ABCA12: variants seen among roughly 807,000 people sequenced by gnomAD.
ABCA12 encodes glucosylceramide transporter ABCA12.
A neutral mutation model predicts 293.5 loss-of-function variants in ABCA12; 156 were observed. That is an observed-to-expected ratio of 0.53 (90% CI 0.47 to 0.61). The LOEUF is 0.61. Among genes scored for constraint, ABCA12 ranks in the 20% least tolerant of loss-of-function variants. The pLI is 0.00. For missense variants in ABCA12, 2,797 were observed against 3,090.2 expected (o/e 0.91, Z 2.25); for synonymous variants, 1,063 against 1,108.0 (o/e 0.96, Z 0.81).
At chr2:215,071,847 T>C (rs1701744081) in intron 2 of ABCA12, among the ~76,000 whole-genome samples, 1 of 152,184 alleles carries the variant, frequency 6.6e-6, no homozygotes, top group Non-Finnish European at 1.5e-5. Flanking sequence ...CTTGAGCCAG[T>C]GAATGGTTTG....
chr2:215,035,656 C>A (rs1487492517), intron 8 of ABCA12: 1 of 137,574 alleles, frequency 7.3e-6, no homozygotes, highest in Non-Finnish European at 1.5e-5. Flanking sequence ...TAGAGCGAGA[C>A]TCCATCTCAA....
chr2:215,067,231 A>G (rs747780902), intron 2 of ABCA12, among the ~76,000 whole-genome samples: 8 of 152,110 alleles, frequency 5.3e-5, no homozygotes, highest in Non-Finnish European at 8.8e-5. Flanking sequence ...CTGAAATTAC[A>G]TTCCCCTTTA....
chr2:214,956,695 T>G lies in ABCA12; in HGVS notation c.6201A>C (p.Leu2067=). The change falls in exon 42 of 53, where the codon CTA becomes CTC. Residue 2067 remains leucine (L), a synonymous_variant. Coordinates refer to ENST00000272895, the MANE Select transcript of ABCA12 (RefSeq NM_173076.3). ...KLPAFYSENN[L]GAVSLLLLLF... ...GGAGAAGTAGGAGAGATACAGCGCC[T>G]AGGTTGTTTTCACTGTAGAATGCAG... The G allele has an allele frequency of 6.2e-7, 1 of 1,613,574 alleles. No homozygotes were observed. The highest frequency in any genetic ancestry group is 2.2e-5 in the East Asian group (1 of 44,818).
At chr2:215,065,697 G>C (rs1701628139) in intron 2 of ABCA12, among the ~76,000 whole-genome samples, 2 of 152,008 alleles carry the variant, frequency 1.3e-5, no homozygotes, top group South Asian at 2.1e-4. Flanking sequence ...AGAGGGTCCA[G>C]AAGGAATGCA....
rs768276406 is a variant in ABCA12, at chr2:215,001,587, C to A, written c.2834G>T (p.Arg945Met). 2 of 1,613,578 alleles carry A rather than the reference C, an allele frequency of 1.2e-6. No homozygotes were observed. The highest frequency in any genetic ancestry group is 1.1e-5 in the South Asian group (1 of 91,068). ...TIDEMEREAK[R>M]LYKSNELFGS... ...AAAGAGTTCGTTGCTTTTGTAGAGC[C>A]TTTTAGCCTCTCTCTCCATTTCATC... is the stretch of plus-strand genomic sequence containing the variant. The change falls in exon 21 of 53, where the codon AGG becomes ATG. Residue 945 changes from arginine (R) to methionine (M), a missense_variant. Transcript: ENST00000272895.
intron 2 of ABCA12, among the ~76,000 whole-genome samples, chr2:215,099,512 G>A (rs1277171098): frequency 1.3e-5 from 2 of 152,088 alleles, no homozygotes; most frequent in Non-Finnish European, 2.9e-5. Context: ...GGCCAACATG[G>A]TGAAACCCCG....
chr2:214,947,303 A>G (rs1270595124), intron 48 of ABCA12, 119 bp downstream of exon 48: 7 of 1,415,350 alleles, frequency 4.9e-6, no homozygotes, highest in African/African-American at 2.8e-5. Context: ...CACAATAGCT[A>G]GCACATAGTG....
chr2:215,042,186 T>A (rs1383417676), intron 7 of ABCA12: 1 of 152,196 alleles, frequency 6.6e-6, no homozygotes, highest in East Asian at 1.9e-4. Context: ...TATAAAATAA[T>A]TTTTAAGTCA....
chr2:215,046,061 T>G (rs774855900), intron 6 of ABCA12, 46 bp from the exon 7 acceptor site: 72 of 1,584,022 alleles, frequency 4.5e-5, no homozygotes, highest in Non-Finnish European at 5.8e-5. Flanking sequence ...ACTTTAACAT[T>G]TGTAATCACA....
chr2:214,978,740 A>C, intron 32 of ABCA12, 64 bp downstream of exon 32: 1 of 1,539,486 alleles, frequency 6.5e-7, no homozygotes, highest in African/African-American at 1.4e-5. Context: ...AATGGCACAT[A>C]TTTCTTCAAA....
intron 2 of ABCA12, among the ~76,000 whole-genome samples, chr2:215,107,436 C>A (rs1288726107): frequency 6.6e-6 from 1 of 152,198 alleles, no homozygotes; most frequent in African/African-American, 2.4e-5. Flanking sequence ...CTCATTTCTT[C>A]CCTGTTTGAA....
chr2:215,093,977 T>A (rs951204397), intron 2 of ABCA12, among the ~76,000 whole-genome samples: 2 of 152,216 alleles, frequency 1.3e-5, no homozygotes, highest in Middle Eastern at 3.2e-3. Flanking sequence ...TAATAGCTAC[T>A]CACCAGCAAA....
At chr2:214,976,143 G>C (rs1292980115) in intron 33 of ABCA12, 106 bp from the exon 34 acceptor site, 1 of 1,468,396 alleles carries the variant, frequency 6.8e-7, no homozygotes, top group Non-Finnish European at 9.3e-7. Context: ...GGTGGGAAAA[G>C]CTTTTAAAGA....
At chr2:215,130,236 A>AT (rs57228653) in intron 1 of ABCA12, among the ~76,000 whole-genome samples, 15,119 of 147,558 alleles carry the variant, frequency 0.1, 2,464 homozygotes, top group African/African-American at 0.35. Context: ...AAACTTTAGG[A>AT]TTTTTTTTTT....
At chr2:215,124,954 C>A (rs1038909665) in intron 1 of ABCA12, among the ~76,000 whole-genome samples, 1 of 152,100 alleles carries the variant, frequency 6.6e-6, no homozygotes, top group African/African-American at 2.4e-5. Context: ...GGTTTAAGTC[C>A]TTAATCCACC....
intron 1 of ABCA12, among the ~76,000 whole-genome samples, chr2:215,116,680 A>G (rs1363378317): frequency 6.6e-6 from 1 of 152,230 alleles, no homozygotes; most frequent in African/African-American, 2.4e-5. Flanking sequence ...GGAATGGAGT[A>G]TGTACCTACA....
rs537624286 is a variant in ABCA12 at position 215,064,200 on chromosome 2, G to T, written c.183C>A (p.Asn61Lys). The T allele has an allele frequency of 2.5e-6, 4 of 1,612,620 alleles. No homozygotes were observed. Among genetic ancestry groups the T allele is most frequent in the South Asian group, 1.1e-5 (1 of 91,062 alleles). Reference sequence around the variant, plus strand: ...ATGGAAAGAATCCAGTACTAGGAAGGTTTCGAGGTGCGAGGTAACCTAAAA... The same window carrying T: ...ATGGAAAGAATCCAGTACTAGGAAGTTTTCGAGGTGCGAGGTAACCTAAAA... Reference protein sequence around the residue: ...AKPTCYLAPRNLPSTGFFPFL... With the variant: ...AKPTCYLAPRKLPSTGFFPFL... The change falls in exon 3 of 53, where the codon AAC becomes AAA. Residue 61 changes from asparagine to lysine, a missense_variant. Coordinates refer to ENST00000272895, the MANE Select transcript of ABCA12 (RefSeq NM_173076.3).
chr2:215,132,739 AG>A (rs1479192294), intron 1 of ABCA12, among the ~76,000 whole-genome samples: 2 of 152,042 alleles, frequency 1.3e-5, no homozygotes, highest in Admixed American at 6.6e-5. Context: ...TTATGTTAAA[AG>A]TTAATGTTGA....
intron 1 of ABCA12, among the ~76,000 whole-genome samples, chr2:215,134,364 GTGTATATA>G (rs1388511119): frequency 1.7e-5 from 2 of 114,292 alleles, no homozygotes; most frequent in South Asian, 2.5e-4. Flanking sequence ...ATATGTATAT[GTGTATATA>G]TGTATATATG....
Sources: gnomAD v4.1 joint callset for allele counts (sites outside exome capture counted in the v4.1 genomes callset) on GRCh38, gnomAD v4.1.1 for gene constraint, MANE v1.5 for transcripts, NCBI Gene and HGNC (gene_info 2026-07-23, HGNC 2026-07-21) for gene names.